Variants in FRMD4A observed in about 807,000 individuals in gnomAD.
FRMD4A encodes FERM domain-containing protein 4A.
A neutral mutation model predicts 129.1 loss-of-function variants in FRMD4A; 29 were observed. The ratio of observed to expected loss-of-function variants is 0.22; its 90% CI spans 0.17 to 0.31. The LOEUF is 0.31. Ranked by LOEUF, FRMD4A falls within the 10% of genes least tolerant of loss-of-function variation. The pLI, the probability that FRMD4A is intolerant of heterozygous loss-of-function variation, is 1.00. For synonymous variants in FRMD4A, 634 were observed against 571.6 expected (o/e 1.11, Z -1.56); for missense variants, 1,272 against 1,375.8 (o/e 0.92, Z 1.19).
intron 2 of FRMD4A, among the ~76,000 whole-genome samples, chr10:14,146,933 C>A (rs1014825371): frequency 1.3e-5 from 2 of 152,194 alleles, no homozygotes; most frequent in African/African-American, 2.4e-5. Context: ...ATATCATCAT[C>A]TATTTGCTTC....
At chr10:13,819,316 G>C (rs2093594488) in intron 3 of FRMD4A, among the ~76,000 whole-genome samples, 1 of 152,038 alleles carries the variant, frequency 6.6e-6, no homozygotes, top group Admixed American at 6.6e-5. Flanking sequence ...AGAAAACACT[G>C]ATCTCATTTT....
intron 2 of FRMD4A, among the ~76,000 whole-genome samples, chr10:13,870,184 G>A (rs2094423270): frequency 6.6e-6 from 1 of 152,244 alleles, no homozygotes; most frequent in Non-Finnish European, 1.5e-5. Flanking sequence ...GATCTGGACA[G>A]AGGCCTGAAG....
At chr10:14,141,435 A>AT (rs1839829001) in intron 2 of FRMD4A, among the ~76,000 whole-genome samples, 1 of 152,066 alleles carries the variant, frequency 6.6e-6, no homozygotes. Context: ...CCATTGTATG[A>AT]TTTTATATAG....
chr10:14,305,027 T>G (rs1159695430), intron 2 of FRMD4A, among the ~76,000 whole-genome samples: 2 of 152,224 alleles, frequency 1.3e-5, no homozygotes, highest in African/African-American at 4.8e-5. Flanking sequence ...CTGGGATCGC[T>G]GCCTTAATAA....
At chr10:13,987,206 C>A (rs2095584760) in intron 2 of FRMD4A, among the ~76,000 whole-genome samples, 1 of 152,058 alleles carries the variant, frequency 6.6e-6, no homozygotes, top group Non-Finnish European at 1.5e-5. Context: ...GAAAGATCTG[C>A]CACTTTACCT....
At chr10:14,192,098 C>A (rs1208832475) in intron 2 of FRMD4A, among the ~76,000 whole-genome samples, 1 of 152,140 alleles carries the variant, frequency 6.6e-6, no homozygotes, top group Non-Finnish European at 1.5e-5. Context: ...CAGCTACCTC[C>A]TTGGTGGTTT....
chr10:13,768,040 A>T (rs1424412276), intron 6 of FRMD4A, among the ~76,000 whole-genome samples: 1 of 150,578 alleles, frequency 6.6e-6, no homozygotes, highest in African/African-American at 2.4e-5. Context: ...TTGATCTTTG[A>T]GAAATGGTAT....
At chr10:13,862,872 T>C (rs1339804785) in intron 2 of FRMD4A, among the ~76,000 whole-genome samples, 2 of 152,220 alleles carry the variant, frequency 1.3e-5, no homozygotes, top group Non-Finnish European at 2.9e-5. Flanking sequence ...CCAGGCACTC[T>C]GAAGTTTTCT....
chr10:14,248,418 AC>A (rs1157972943), intron 2 of FRMD4A, among the ~76,000 whole-genome samples: 4 of 152,244 alleles, frequency 2.6e-5, no homozygotes, highest in African/African-American at 9.6e-5. Flanking sequence ...CTTACATATT[AC>A]AGAATTTTAT....
chr10:13,968,626 G>T (rs1272465216), intron 2 of FRMD4A, among the ~76,000 whole-genome samples: 1 of 152,144 alleles, frequency 6.6e-6, no homozygotes, highest in Non-Finnish European at 1.5e-5. Context: ...CTAATTTTTT[G>T]TATTTTTAGT....
intron 3 of FRMD4A, among the ~76,000 whole-genome samples, chr10:13,845,283 T>G (rs1564899724): frequency 6.6e-6 from 1 of 152,180 alleles, no homozygotes; most frequent in South Asian, 2.1e-4. Context: ...TATATGGCGT[T>G]GGAGGGATGA....
intron 2 of FRMD4A, among the ~76,000 whole-genome samples, chr10:14,107,638 G>T (rs1435988915): frequency 2.0e-5 from 3 of 152,026 alleles, no homozygotes; most frequent in Non-Finnish European, 4.4e-5. Context: ...GAACTTTGCT[G>T]TATTTTAAAA....
chr10:14,271,511 C>T (rs546014004), intron 2 of FRMD4A, among the ~76,000 whole-genome samples: 11 of 152,284 alleles, frequency 7.2e-5, no homozygotes, highest in South Asian at 2.1e-4. Context: ...CCCTTGCAGA[C>T]GGGTGGGAGA....
intron 2 of FRMD4A, among the ~76,000 whole-genome samples, chr10:13,942,704 G>T (rs1461093576): frequency 3.3e-5 from 5 of 152,158 alleles, no homozygotes; most frequent in Non-Finnish European, 5.9e-5. Flanking sequence ...GGAGGCTGAG[G>T]CTGGCAGATC....
intron 2 of FRMD4A, among the ~76,000 whole-genome samples, chr10:13,899,370 C>T (rs2094794345): frequency 6.6e-6 from 1 of 151,202 alleles, no homozygotes; most frequent in Non-Finnish European, 1.5e-5. Context: ...ACTGTTCTGT[C>T]CCTTGGTGAG....
At chr10:13,884,122 T>TCACACACTCACC (rs2094578764) in intron 2 of FRMD4A, among the ~76,000 whole-genome samples, 8 of 78,264 alleles carry the variant, frequency 1.0e-4, no homozygotes, top group African/African-American at 4.1e-4. Context: ...ACACACACAC[T>TCACACACTCACC]CACACACACG....
chr10:14,075,187 A>G (rs1835514322), intron 2 of FRMD4A, among the ~76,000 whole-genome samples: 1 of 152,208 alleles, frequency 6.6e-6, no homozygotes, highest in Non-Finnish European at 1.5e-5. Flanking sequence ...AATGGTCTAC[A>G]TCACCTTGAA....
chr10:13,704,219 G>T (rs1253990897), intron 13 of FRMD4A, among the ~76,000 whole-genome samples: 1 of 152,184 alleles, frequency 6.6e-6, no homozygotes, highest in Non-Finnish European at 1.5e-5. Flanking sequence ...CATAGCTCTG[G>T]CTCTGCCATG....
chr10:14,305,211 G>A (rs1846309427), intron 2 of FRMD4A, among the ~76,000 whole-genome samples: 2 of 152,188 alleles, frequency 1.3e-5, no homozygotes, highest in African/African-American at 4.8e-5. Context: ...ATGCTCAGGG[G>A]AACCTGTGCT....
Sources: allele counts gnomAD v4.1 joint callset (sites outside exome capture counted in the v4.1 genomes callset), GRCh38; gene constraint gnomAD v4.1.1; transcripts MANE v1.5; gene names NCBI Gene and HGNC (gene_info 2026-07-23, HGNC 2026-07-21).